Variants in OSBPL10 observed in about 807,000 individuals in gnomAD.
OSBPL10 encodes oxysterol-binding protein-related protein 10.
A neutral mutation model predicts 81.7 loss-of-function variants in OSBPL10; 49 were observed. The ratio of observed to expected loss-of-function variants is 0.60; its 90% CI spans 0.48 to 0.76. The LOEUF (loss-of-function observed/expected upper bound fraction) is 0.76. OSBPL10 is among the 30% of genes least tolerant of loss of function. OSBPL10 has a pLI of 0.00. For synonymous variants in OSBPL10, 419 were observed against 383.6 expected, an observed-to-expected ratio of 1.09 and a Z score of -1.08; for missense variants, 923 against 987.8, an observed-to-expected ratio of 0.93 and a Z score of 0.88.
intron 3 of OSBPL10, among the ~76,000 whole-genome samples, chr3:31,836,891 C>G (rs1018314502): frequency 1.3e-5 from 2 of 152,186 alleles, no homozygotes; most frequent in African/African-American, 2.4e-5. Context: ...GCTCAATTCA[C>G]TGCATTTCTC....
chr3:31,671,480 G>C (rs1413655629), intron 8 of OSBPL10, among the ~76,000 whole-genome samples: 1 of 152,132 alleles, frequency 6.6e-6, no homozygotes, highest in Non-Finnish European at 1.5e-5. Flanking sequence ...TATAGGTGTG[G>C]AGGATGACCA....
rs150626246 is a variant in OSBPL10 at position 31,911,370 on chromosome 3, G to C, written c.282-31540C>G. 2.4e-4 allele frequency among the ~76,000 whole-genome samples: 37 copies of C among 152,204 alleles called. No homozygotes were observed. The East Asian group carries it at 3.7e-3, about 15-fold the overall frequency. ...GGTTAATCTTAAAGCTACTCTCATGGGGGTGGAGGAGTGGAATGGGAAGTG... is the reference window on the plus strand; with the variant it reads ...GGTTAATCTTAAAGCTACTCTCATGCGGGTGGAGGAGTGGAATGGGAAGTG... On this transcript the variant is annotated intron_variant, in intron 1 of 11. Coordinates refer to ENST00000396556, the MANE Select transcript of OSBPL10 (RefSeq NM_017784.5).
Position 31,796,662 on chromosome 3 carries a change from C to T in OSBPL10, c.729+33378G>A, listed in dbSNP as rs546274732. Reference sequence around the variant, plus strand: ...TCCTGTGTGTTTCAGGCTATTTTAGCAGCATCCACGGCCTCTACCACTAGA... The same window carrying T: ...TCCTGTGTGTTTCAGGCTATTTTAGTAGCATCCACGGCCTCTACCACTAGA... On this transcript the variant is annotated intron_variant, in intron 4 of 11. Transcript: ENST00000396556. Among the ~76,000 whole-genome samples the T allele has an allele frequency of 8.9e-4, 135 of 152,294 alleles. 1 individual carries two copies. The highest frequency in any genetic ancestry group is 3.1e-3 in the African/African-American group (128 of 41,552).
At position 31,765,118 on chromosome 3, in the gene OSBPL10, G is replaced by C. The variant is rs529162498; in HGVS notation, c.730-16998C>G. The stretch of plus-strand genomic sequence containing the variant: ...CTGCAACCTCTGCCTCCTGGCCTCA[G>C]ATAGTCCTCCCACCTCAGTCTACCA... On this transcript the variant is annotated intron_variant, in intron 4 of 11. Coordinates refer to ENST00000396556, the MANE Select transcript of OSBPL10 (RefSeq NM_017784.5). 3.3e-5 allele frequency among the ~76,000 whole-genome samples: 5 copies of C among 152,108 alleles called. No homozygotes were observed. The South Asian group carries it at 8.3e-4, about 25-fold the overall frequency.
At chr3:31,766,321 G>GTTT (rs372182366) in intron 4 of OSBPL10, among the ~76,000 whole-genome samples, 3 of 68,594 alleles carry the variant, frequency 4.4e-5, no homozygotes, top group Non-Finnish European at 1.0e-4. Flanking sequence ...GCCCAATGTA[G>GTTT]TTTTTTTGTT....
chr3:31,823,228 C>T (rs1700021990), intron 4 of OSBPL10, among the ~76,000 whole-genome samples: 2 of 152,170 alleles, frequency 1.3e-5, no homozygotes, highest in South Asian at 4.1e-4. Flanking sequence ...ACCTAAGCAA[C>T]CCTTGAATAC....
chr3:32,048,627 T>C (rs1449148407), intron 1 of OSBPL10, among the ~76,000 whole-genome samples: 3 of 152,180 alleles, frequency 2.0e-5, no homozygotes, highest in African/African-American at 4.8e-5. Context: ...ACTATTACTA[T>C]AGACTAGCTG....
At chr3:31,870,645 C>T (rs1701297569) in intron 3 of OSBPL10, among the ~76,000 whole-genome samples, 1 of 152,224 alleles carries the variant, frequency 6.6e-6, no homozygotes, top group Non-Finnish European at 1.5e-5. Context: ...CCAATTGGCA[C>T]TCTGTATCTC....
At chr3:31,724,568 A>G (rs2125645902) in intron 6 of OSBPL10, among the ~76,000 whole-genome samples, 1 of 152,306 alleles carries the variant, frequency 6.6e-6, no homozygotes, top group Non-Finnish European at 1.5e-5. Context: ...CCCAAGAAGC[A>G]AAACCTTATT....
intron 1 of OSBPL10, among the ~76,000 whole-genome samples, chr3:32,070,500 A>G (rs1029519805): frequency 1.3e-5 from 2 of 152,006 alleles, no homozygotes; most frequent in Admixed American, 1.3e-4. Flanking sequence ...ATCCACAAAT[A>G]TGGGACACCT....
chr3:32,030,781 G>A, intron 2 of OSBPL10: 1 of 592,860 alleles, frequency 1.7e-6, no homozygotes. Flanking sequence ...TTCTCTGTTT[G>A]GAAACACATT....
intron 2 of OSBPL10, among the ~76,000 whole-genome samples, chr3:32,006,873 T>C (rs900596268): frequency 1.3e-5 from 2 of 152,250 alleles, no homozygotes; most frequent in African/African-American, 4.8e-5. Flanking sequence ...CTTTCCTTTA[T>C]GAAAATGAAC....
chr3:31,810,476 G>C (rs1032865228), intron 4 of OSBPL10, among the ~76,000 whole-genome samples: 7 of 150,552 alleles, frequency 4.6e-5, no homozygotes, highest in Admixed American at 4.0e-4. Context: ...TTGACACTTT[G>C]ACTATGAAAA....
chr3:31,733,685 G>GTTT (rs372305256), intron 5 of OSBPL10, among the ~76,000 whole-genome samples: 9 of 91,778 alleles, frequency 9.8e-5, no homozygotes, highest in Non-Finnish European at 1.3e-4. Context: ...AGATAAAGGT[G>GTTT]TTTTTTTTTT....
intron 1 of OSBPL10, among the ~76,000 whole-genome samples, chr3:31,969,028 C>G (rs1369464483): frequency 6.6e-6 from 1 of 152,192 alleles, no homozygotes; most frequent in Non-Finnish European, 1.5e-5. Flanking sequence ...CTAAATGAGT[C>G]TGCTGCAGTA....
rs987050486 is a variant in OSBPL10, at chr3:31,670,847, T to G, written c.1863A>C (p.Ser621=). ...GCTTCGTGTGGAATATCACTGTCGC[T>G]GAGTACCCAGTCTTGGCACAGTTGA... ...VSINCAKTGY[S]ATVIFHTKPF... The change falls in exon 9 of 12, where the codon TCA becomes TCC. Residue 621 remains serine, a synonymous_variant. Coordinates refer to ENST00000396556, the MANE Select transcript of OSBPL10 (RefSeq NM_017784.5). The G allele has an allele frequency of 6.2e-7, 1 of 1,614,036 alleles. No homozygotes were observed. The highest frequency in any genetic ancestry group is 1.3e-5 in the African/African-American group (1 of 74,924).
At chr3:32,057,274 A>T (rs1699719659) in intron 1 of OSBPL10, among the ~76,000 whole-genome samples, 1 of 152,148 alleles carries the variant, frequency 6.6e-6, no homozygotes, top group East Asian at 1.9e-4. Flanking sequence ...ATTTCACTTT[A>T]TAGACTTGCC....
intron 4 of OSBPL10, among the ~76,000 whole-genome samples, chr3:31,757,501 T>G: frequency 6.6e-6 from 1 of 152,254 alleles, no homozygotes; most frequent in East Asian, 1.9e-4. Flanking sequence ...GACTTGATTT[T>G]GGACTTCCAG....
intron 1 of OSBPL10, among the ~76,000 whole-genome samples, chr3:31,910,408 G>T (rs553881696): frequency 9.8e-4 from 148 of 151,540 alleles, no homozygotes; most frequent in African/African-American, 3.5e-3. Context: ...GCTGAGGCAG[G>T]CAGATTACCT....
Sources: allele counts gnomAD v4.1 joint callset (sites outside exome capture counted in the v4.1 genomes callset), GRCh38; gene constraint gnomAD v4.1.1; transcripts MANE v1.5; gene names NCBI Gene and HGNC (gene_info 2026-07-23, HGNC 2026-07-21).